PDE4D: variants seen among roughly 807,000 people sequenced by gnomAD.
The protein encoded by PDE4D is phosphodiesterase 4D.
PDE4D carries 24 observed loss-of-function variants against 87.4 expected under a neutral mutation model. The observed-to-expected ratio is 0.27, with a 90% CI of 0.20 to 0.39. The LOEUF is 0.39. Among genes scored for constraint, PDE4D ranks in the 10% least tolerant of loss-of-function variants. The pLI is 1.00. For synonymous variants in PDE4D, 384 were observed against 383.2 expected, an observed-to-expected ratio of 1.00 and a Z score of -0.02; for missense variants, 714 against 1,041.0, an observed-to-expected ratio of 0.69 and a Z score of 4.32.
At chr5:59,406,362 G>A (rs1562124624) in intron 1 of PDE4D, among the ~76,000 whole-genome samples, 3 of 140,950 alleles carry the variant, frequency 2.1e-5, no homozygotes. Flanking sequence ...GGTATTGCTT[G>A]TAACGTCTCC....
At chr5:59,669,323 G>C (rs1367715590) in intron 1 of PDE4D, among the ~76,000 whole-genome samples, 1 of 152,132 alleles carries the variant, frequency 6.6e-6, no homozygotes, top group African/African-American at 2.4e-5. Context: ...TGTTGGTCAT[G>C]CTGGTCTCAA....
chr5:59,871,614 T>C (rs1426518576), intron 1 of PDE4D, among the ~76,000 whole-genome samples: 1 of 152,226 alleles, frequency 6.6e-6, no homozygotes, highest in Non-Finnish European at 1.5e-5. Context: ...ACAACTTCAG[T>C]ATTTGAATAT....
intron 1 of PDE4D, among the ~76,000 whole-genome samples, chr5:59,579,257 C>T (rs1361147261): frequency 6.6e-6 from 1 of 152,136 alleles, no homozygotes; most frequent in Non-Finnish European, 1.5e-5. Flanking sequence ...GTTCTCCAGA[C>T]TAGTTTATGA....
At chr5:59,757,804 C>G (rs996619568) in intron 1 of PDE4D, among the ~76,000 whole-genome samples, 9 of 152,116 alleles carry the variant, frequency 5.9e-5, no homozygotes, top group African/African-American at 2.2e-4. Flanking sequence ...TGTTTTTACA[C>G]CTCTTATGTA....
chr5:59,017,724 T>A (rs893551822), intron 6 of PDE4D, among the ~76,000 whole-genome samples: 4 of 152,182 alleles, frequency 2.6e-5, no homozygotes, highest in African/African-American at 9.7e-5. Flanking sequence ...AACTTCCTTA[T>A]CCAAGGCCGC....
At chr5:59,245,535 T>G (rs72644096) in intron 1 of PDE4D, among the ~76,000 whole-genome samples, 11,718 of 152,126 alleles carry the variant, frequency 0.077, 1,306 homozygotes, top group East Asian at 0.52. Flanking sequence ...AGGAGAAAAA[T>G]AAATTTGGCA....
At chr5:59,935,980 A>G (rs1333605087) in intron 3 of PDE4D, among the ~76,000 whole-genome samples, 5 of 152,328 alleles carry the variant, frequency 3.3e-5, no homozygotes, top group African/African-American at 4.8e-5. Context: ...CCAGTAACAG[A>G]ATGGCTGGGT....
At chr5:60,050,555 C>T (rs1047672201) in intron 2 of PDE4D, among the ~76,000 whole-genome samples, 3 of 152,226 alleles carry the variant, frequency 2.0e-5, no homozygotes, top group Non-Finnish European at 4.4e-5. Context: ...TGGAAAGGAA[C>T]AACCGGTAAC....
intron 1 of PDE4D, among the ~76,000 whole-genome samples, chr5:59,238,627 A>G (rs946088086): frequency 4.6e-5 from 7 of 152,178 alleles, no homozygotes; most frequent in African/African-American, 1.7e-4. Context: ...AAAGAACTGG[A>G]AGGAGAAAGA....
intron 1 of PDE4D, among the ~76,000 whole-genome samples, chr5:59,518,897 G>A (rs907254817): frequency 2.0e-5 from 3 of 152,192 alleles, no homozygotes; most frequent in Non-Finnish European, 1.5e-5. Context: ...CATAAATGCA[G>A]CATAAACAGA....
intron 6 of PDE4D, chr5:59,002,179 G>A: frequency 2.8e-6 from 1 of 363,114 alleles, no homozygotes; most frequent in Admixed American, 3.9e-5. Context: ...GACCTAGAGA[G>A]AAAAAATGAT....
chr5:60,061,533 T>C (rs1771403924), intron 2 of PDE4D, among the ~76,000 whole-genome samples: 1 of 152,168 alleles, frequency 6.6e-6, no homozygotes, highest in South Asian at 2.1e-4. Flanking sequence ...TTAAGTGCTA[T>C]TCTCATCAAA....
At chr5:59,378,980 TTGTGTGTGTGTG>T (rs3061658) in intron 1 of PDE4D, among the ~76,000 whole-genome samples, 7 of 149,410 alleles carry the variant, frequency 4.7e-5, no homozygotes, top group African/African-American at 1.7e-4. Context: ...GTGTGTGTGT[TTGTGTGTGTGTG>T]TGTGTGTGTG....
chr5:60,150,031 T>C (rs535040723), intron 2 of PDE4D, among the ~76,000 whole-genome samples: 138 of 147,198 alleles, frequency 9.4e-4, no homozygotes, highest in African/African-American at 3.4e-3. Context: ...TATATATACA[T>C]ACATATAGTA....
chr5:59,539,988 C>T (rs1472350140), intron 1 of PDE4D, among the ~76,000 whole-genome samples: 1 of 152,180 alleles, frequency 6.6e-6, no homozygotes, highest in Non-Finnish European at 1.5e-5. Flanking sequence ...CTCTAGCATA[C>T]ATCAGAGTGT....
At chr5:59,081,518 T>A (rs867771885) in intron 5 of PDE4D, among the ~76,000 whole-genome samples, 3 of 135,430 alleles carry the variant, frequency 2.2e-5, no homozygotes, top group African/African-American at 8.4e-5. Context: ...AGTAATCAGG[T>A]AAAAAAAAAA....
At chr5:60,315,465 T>C (rs1187889701) in intron 1 of PDE4D, among the ~76,000 whole-genome samples, 1 of 152,234 alleles carries the variant, frequency 6.6e-6, no homozygotes, top group Non-Finnish European at 1.5e-5. Flanking sequence ...TAGTTTCTTT[T>C]GCTGTGCAGA....
chr5:58,982,795 G>T (rs1351820371), intron 11 of PDE4D, among the ~76,000 whole-genome samples: 2 of 152,192 alleles, frequency 1.3e-5, no homozygotes, highest in African/African-American at 4.8e-5. Context: ...TTCTTAGCAT[G>T]TTGGGTGATG....
chr5:59,183,441 G>C (rs1742144473), intron 4 of PDE4D, among the ~76,000 whole-genome samples: 2 of 152,136 alleles, frequency 1.3e-5, no homozygotes, highest in South Asian at 4.1e-4. Flanking sequence ...CGTCTCTGGA[G>C]CCTGACTGAT....
Sources: gnomAD v4.1 joint callset for allele counts (sites outside exome capture counted in the v4.1 genomes callset) on GRCh38, gnomAD v4.1.1 for gene constraint, MANE v1.5 for transcripts, NCBI Gene and HGNC (gene_info 2026-07-23, HGNC 2026-07-21) for gene names.